Variants in GLB1 observed in about 807,000 individuals in gnomAD.
GLB1 encodes galactosidase beta 1.
In GLB1, 56 loss-of-function variants were observed where a neutral mutation model predicts 74.0. The observed-to-expected ratio is 0.76, with a 90% CI of 0.61 to 0.94. The LOEUF is 0.94. Ranked by LOEUF, GLB1 falls within the 40% of genes least tolerant of loss-of-function variation. GLB1 has a pLI of 0.00. For missense variants in GLB1, 787 were observed against 845.5 expected (o/e 0.93, Z 0.86); for synonymous variants, 323 against 323.6 (o/e 1.00, Z 0.02).
intron 15 of GLB1, among the ~76,000 whole-genome samples, chr3:32,999,685 G>T (rs545230674): frequency 6.6e-6 from 1 of 152,214 alleles, no homozygotes; most frequent in South Asian, 2.1e-4. Flanking sequence ...CATTGCTCTG[G>T]GGAGGTTATC....
intron 1 of GLB1, chr3:33,091,326 G>C (rs1700750929): frequency 1.0e-6 from 1 of 985,416 alleles, no homozygotes; most frequent in Admixed American, 6.1e-5. Flanking sequence ...TATACACCAG[G>C]AGGACAAGGA....
At chr3:32,974,403 C>T in the GLB1 span, among the ~76,000 whole-genome samples, 26 of 152,220 alleles carry the variant, frequency 1.7e-4, no homozygotes, top group African/African-American at 6.3e-4. Flanking sequence ...AGAATCAGAA[C>T]TAATAGGATA....
chr3:33,057,206 T>C (rs1258195160), intron 6 of GLB1, among the ~76,000 whole-genome samples: 1 of 152,246 alleles, frequency 6.6e-6, no homozygotes, highest in Non-Finnish European at 1.5e-5. Flanking sequence ...CCTCCCGCTC[T>C]GTCCATGTAA....
At chr3:33,091,251 C>T (rs1030074186) in intron 1 of GLB1, 4 of 985,264 alleles carry the variant, frequency 4.1e-6, no homozygotes, top group Admixed American at 6.2e-5. Context: ...ATGGTATGGC[C>T]CACTGTCAAT....
chr3:33,046,270 G>C, intron 9 of GLB1, 38 bp from the exon 10 acceptor site: 1 of 1,610,264 alleles, frequency 6.2e-7, no homozygotes, highest in African/African-American at 1.3e-5. Flanking sequence ...ATTACTGATG[G>C]TGCAGCTCTG....
chr3:32,994,564 C>T (rs550189641), downstream of GLB1, among the ~76,000 whole-genome samples: 1 of 152,176 alleles, frequency 6.6e-6, no homozygotes, highest in African/African-American at 2.4e-5. Flanking sequence ...CCATGAGAGG[C>T]AGTGTAGAGT....
chr3:32,965,408 CAA>C, the GLB1 span, among the ~76,000 whole-genome samples: 5 of 152,062 alleles, frequency 3.3e-5, no homozygotes, highest in African/African-American at 1.2e-4. Context: ...TATACTTTAG[CAA>C]AGAGACTGGT....
chr3:33,059,892 G>A (rs940771109), intron 5 of GLB1, among the ~76,000 whole-genome samples: 14 of 152,102 alleles, frequency 9.2e-5, no homozygotes, highest in South Asian at 6.2e-4. Flanking sequence ...ATCTTTAAAC[G>A]TAAGCACAAG....
chr3:33,015,715 G>A (rs1697212242), intron 14 of GLB1, among the ~76,000 whole-genome samples: 1 of 152,186 alleles, frequency 6.6e-6, no homozygotes, highest in South Asian at 2.1e-4. Context: ...CAAGAACTAT[G>A]AGAGAGACAT....
chr3:33,019,892 T>C (rs1419059200), intron 12 of GLB1, among the ~76,000 whole-genome samples: 1 of 152,046 alleles, frequency 6.6e-6, no homozygotes, highest in Non-Finnish European at 1.5e-5. Flanking sequence ...TTGCTGGAAA[T>C]AGATATTCTG....
intron 15 of GLB1, among the ~76,000 whole-genome samples, chr3:33,001,352 G>T (rs1240363940): frequency 6.6e-6 from 1 of 152,040 alleles, no homozygotes. Flanking sequence ...CGAGAAGCTG[G>T]ATCTTCAGAT....
intron 15 of GLB1, among the ~76,000 whole-genome samples, chr3:33,010,107 C>T (rs985161300): frequency 4.7e-4 from 71 of 152,260 alleles, no homozygotes; most frequent in African/African-American, 1.6e-3. Flanking sequence ...TGTGTATATA[C>T]CTAGGAGCGG....
chr3:33,068,684 T>C, intron 3 of GLB1, 136 bp downstream of exon 3: 1 of 1,531,188 alleles, frequency 6.5e-7, no homozygotes, highest in East Asian at 2.4e-5. Flanking sequence ...CTTGTCAAGG[T>C]AAAAGACACC....
intron 10 of GLB1, among the ~76,000 whole-genome samples, chr3:33,040,258 C>T (rs1350717511): frequency 6.6e-6 from 1 of 152,108 alleles, no homozygotes; most frequent in African/African-American, 2.4e-5. Context: ...AAAAAAATCC[C>T]TCAATTTAAG....
At chr3:33,069,866 G>C (rs977336281) in intron 2 of GLB1, among the ~76,000 whole-genome samples, 1 of 152,110 alleles carries the variant, frequency 6.6e-6, no homozygotes, top group Admixed American at 6.6e-5. Context: ...TTGTTATACA[G>C]GTAAATTGCG....
Position 32,997,304 on chromosome 3 carries a change from C to T in GLB1, c.1775G>A (p.Trp592Ter), listed in dbSNP as rs1559375011. Residue 592 changes from tryptophan (W) to a stop codon, truncating the protein, a stop_gained, in exon 16 of 16, where the codon TGG becomes TAG. Coordinates refer to ENST00000307363, the MANE Select transcript of GLB1 (RefSeq NM_000404.4). LOFTEE classifies it low-confidence loss of function (END_TRUNC). The part of the protein sequence containing the change: ...WINGFNLGRY[W>*]PARGPQLTLF... ...GGTCAACTGAGGGCCCCGGGCTGGC[C>T]AATAGCGGCCAAGGTTAAAGCCATT... 2 of 1,613,874 alleles carry T rather than the reference C, an allele frequency of 1.2e-6. No homozygotes were observed. Among genetic ancestry groups the T allele is most frequent in the Non-Finnish European group, 1.7e-6 (2 of 1,180,000 alleles).
intron 1 of GLB1, among the ~76,000 whole-genome samples, chr3:33,087,426 C>A (rs777849876): frequency 6.6e-6 from 1 of 151,956 alleles, no homozygotes; most frequent in Non-Finnish European, 1.5e-5. Context: ...AAAAATTAGC[C>A]GGGTGTGGTG....
chr3:32,996,128 T>C (rs181940505), downstream of GLB1, among the ~76,000 whole-genome samples: 48 of 152,332 alleles, frequency 3.2e-4, no homozygotes, highest in African/African-American at 1.1e-3. Context: ...CTCAGTGTTC[T>C]TGTGAGGGGC....
chr3:32,979,610 T>C, the GLB1 span, among the ~76,000 whole-genome samples: 2 of 152,020 alleles, frequency 1.3e-5, no homozygotes, highest in African/African-American at 4.8e-5. Context: ...CCCAGCACTT[T>C]GGGAGGCCAA....
Sources: gnomAD v4.1 joint callset for allele counts (sites outside exome capture counted in the v4.1 genomes callset) on GRCh38, gnomAD v4.1.1 for gene constraint, MANE v1.5 for transcripts, NCBI Gene and HGNC (gene_info 2026-07-23, HGNC 2026-07-21) for gene names.